KLHL1: variants seen among roughly 807,000 people sequenced by gnomAD.
KLHL1 encodes kelch-like protein 1.
Under a neutral mutation model 77.7 loss-of-function variants are expected in KLHL1, and 47 were observed. That is an observed-to-expected ratio of 0.60 (90% CI 0.48 to 0.77). The LOEUF is 0.77. KLHL1 is among the 30% of genes least tolerant of loss of function. The pLI is 0.00. For synonymous variants in KLHL1, 360 were observed against 325.2 expected, an observed-to-expected ratio of 1.11 and a Z score of -1.15; for missense variants, 925 against 910.8, an observed-to-expected ratio of 1.02 and a Z score of -0.20.
chr13:69,861,414 C>T (rs1455537519), intron 5 of KLHL1, among the ~76,000 whole-genome samples: 1 of 152,008 alleles, frequency 6.6e-6, no homozygotes, highest in Non-Finnish European at 1.5e-5. Flanking sequence ...AAAATAGCAT[C>T]AGTGATTTCC....
chr13:70,026,512 T>A (rs1885944087), intron 1 of KLHL1, among the ~76,000 whole-genome samples: 4 of 152,160 alleles, frequency 2.6e-5, no homozygotes, highest in Admixed American at 1.3e-4. Flanking sequence ...TGTATTTGGA[T>A]TCTTATCCTA....
intron 4 of KLHL1, among the ~76,000 whole-genome samples, chr13:69,898,202 C>A (rs1214137006): frequency 6.6e-6 from 1 of 152,196 alleles, no homozygotes; most frequent in Non-Finnish European, 1.5e-5. Context: ...TCCAGGATAG[C>A]CTCTGTTACT....
intron 1 of KLHL1, among the ~76,000 whole-genome samples, chr13:70,093,191 CA>C (rs993557395): frequency 6.6e-6 from 1 of 151,778 alleles, no homozygotes; most frequent in African/African-American, 2.4e-5. Flanking sequence ...GATTTGAGGA[CA>C]AGGGAAGAGA....
intron 4 of KLHL1, among the ~76,000 whole-genome samples, chr13:69,931,066 A>G (rs2138281598): frequency 6.7e-6 from 1 of 148,664 alleles, no homozygotes; most frequent in South Asian, 2.1e-4. Context: ...TCAGACGTCA[A>G]ATTAGAAACA....
intron 1 of KLHL1, among the ~76,000 whole-genome samples, chr13:70,093,571 TC>T (rs1887720112): frequency 6.6e-6 from 1 of 152,140 alleles, no homozygotes; most frequent in Admixed American, 6.5e-5. Context: ...ATCTTCCTAA[TC>T]ATAAGAAAAA....
intron 5 of KLHL1, among the ~76,000 whole-genome samples, chr13:69,858,078 C>T (rs1879990509): frequency 6.6e-6 from 1 of 152,040 alleles, no homozygotes; most frequent in Non-Finnish European, 1.5e-5. Flanking sequence ...GAGGCCACGC[C>T]CTAAGGTCAG....
chr13:69,978,576 C>T (rs111685474), intron 1 of KLHL1, among the ~76,000 whole-genome samples: 51,048 of 150,948 alleles, frequency 0.34, 9,379 homozygotes, highest in African/African-American at 0.47. Context: ...AACCTCTGCC[C>T]CCCGGGTTCA....
Position 70,019,839 on chromosome 13 carries a change from C to T in KLHL1, c.498-44037G>A, listed in dbSNP as rs117150825. Reference sequence around the variant, plus strand: ...TGTGTTGGGAACTTTATCTCAAATGCGACAGTGTTAAGATATGTATATGGC... The same window carrying T: ...TGTGTTGGGAACTTTATCTCAAATGTGACAGTGTTAAGATATGTATATGGC... On this transcript the variant is annotated intron_variant, in intron 1 of 10. Transcript: ENST00000377844. Among the ~76,000 whole-genome samples the T allele has an allele frequency of 6.1e-3, 933 of 152,194 alleles. 4 individuals carry two copies. Among genetic ancestry groups the T allele is most frequent in the Non-Finnish European group, 0.011 (778 of 68,014 alleles).
At chr13:69,834,761 C>T (rs1389145403) in intron 6 of KLHL1, among the ~76,000 whole-genome samples, 1 of 152,046 alleles carries the variant, frequency 6.6e-6, no homozygotes, top group Admixed American at 6.6e-5. Context: ...AACAGAAGAA[C>T]AAATGAGTAT....
At position 69,821,740 on chromosome 13, in the gene KLHL1, T is replaced by C. The variant is rs1878345072; in HGVS notation, c.1414+17236A>G. Among the ~76,000 whole-genome samples the C allele has an allele frequency of 3.3e-5, 5 of 152,348 alleles. No individual in the cohort carries two copies. In the South Asian group the frequency reaches 1.0e-3, roughly 32 times the overall value. ...TCCGCTGTACATAAAATATCAACAC[T>C]GTCCCCTCATTTTGTACTCTCCATT... is the stretch of plus-strand genomic sequence containing the variant. On this transcript the variant is annotated intron_variant, in intron 6 of 10. Coordinates refer to ENST00000377844, the MANE Select transcript of KLHL1 (RefSeq NM_020866.3).
chr13:69,843,538 C>T (rs778052699), intron 5 of KLHL1, among the ~76,000 whole-genome samples: 23 of 151,454 alleles, frequency 1.5e-4, no homozygotes, highest in Non-Finnish European at 2.5e-4. Context: ...TACAAGTAAC[C>T]CTATGCCTTC....
chr13:69,739,921 T>C (rs368792660), intron 8 of KLHL1, among the ~76,000 whole-genome samples: 3 of 152,034 alleles, frequency 2.0e-5, no homozygotes, highest in East Asian at 1.9e-4. Flanking sequence ...ATCTAGTGGG[T>C]AGAAACCCAG....
At chr13:69,867,906 A>G (rs568194491) in intron 5 of KLHL1, among the ~76,000 whole-genome samples, 253 of 151,714 alleles carry the variant, frequency 1.7e-3, no homozygotes, top group African/African-American at 5.7e-3. Flanking sequence ...AATGTTAAAT[A>G]ACGAGTTAAT....
At chr13:69,790,332 T>C (rs1876811834) in intron 7 of KLHL1, among the ~76,000 whole-genome samples, 2 of 152,206 alleles carry the variant, frequency 1.3e-5, no homozygotes, top group South Asian at 2.1e-4. Flanking sequence ...TACAGAACAG[T>C]GAGGTTTAAA....
At chr13:69,903,627 A>ATTTTTTT (rs1205848050) in intron 4 of KLHL1, among the ~76,000 whole-genome samples, 1 of 40,234 alleles carries the variant, frequency 2.5e-5, no homozygotes, top group African/African-American at 9.1e-5. Flanking sequence ...CCTTGTTCAC[A>ATTTTTTT]TTCTTTTTTT....
chr13:69,887,539 G>C (rs894800338), intron 4 of KLHL1, among the ~76,000 whole-genome samples: 2 of 152,068 alleles, frequency 1.3e-5, no homozygotes, highest in Admixed American at 1.3e-4. Context: ...TGGCTCCTTC[G>C]TTACTTGGCT....
At chr13:70,033,392 C>G (rs1013831911) in intron 1 of KLHL1, among the ~76,000 whole-genome samples, 13 of 152,000 alleles carry the variant, frequency 8.6e-5, no homozygotes, top group Non-Finnish European at 1.8e-4. Context: ...CGGGTTCACA[C>G]CATTCTCCTG....
intron 1 of KLHL1, among the ~76,000 whole-genome samples, chr13:70,093,802 G>A (rs2137445266): frequency 6.6e-6 from 1 of 152,248 alleles, no homozygotes; most frequent in South Asian, 2.1e-4. Context: ...GAGAAATGGA[G>A]TATGAACCTT....
intron 7 of KLHL1, among the ~76,000 whole-genome samples, chr13:69,792,828 G>A (rs1876927330): frequency 1.3e-5 from 2 of 152,106 alleles, no homozygotes; most frequent in Non-Finnish European, 2.9e-5. Context: ...TATTCAGAAT[G>A]AGCAAATCCA....
Sources: gnomAD v4.1 joint callset for allele counts (sites outside exome capture counted in the v4.1 genomes callset) on GRCh38, gnomAD v4.1.1 for gene constraint, MANE v1.5 for transcripts, NCBI Gene and HGNC (gene_info 2026-07-23, HGNC 2026-07-21) for gene names.